TK2: variants seen among roughly 807,000 people sequenced by gnomAD.
The protein encoded by TK2 is thymidine kinase 2, also known as thymidine kinase 2, mitochondrial.
Under a neutral mutation model 41.9 loss-of-function variants are expected in TK2, and 35 were observed. The observed-to-expected ratio is 0.84, with a 90% CI of 0.64 to 1.11. The LOEUF (loss-of-function observed/expected upper bound fraction) is 1.11. Among genes scored for constraint, TK2 ranks in the 50% least tolerant of loss-of-function variants. The pLI is 0.00. For synonymous variants in TK2, 128 were observed against 129.1 expected, an observed-to-expected ratio of 0.99 and a Z score of 0.06; for missense variants, 320 against 351.1, an observed-to-expected ratio of 0.91 and a Z score of 0.71.
At chr16:66,518,316 C>T (rs768128488) in intron 6 of TK2, among the ~76,000 whole-genome samples, 20 of 152,138 alleles carry the variant, frequency 1.3e-4, no homozygotes, top group Admixed American at 2.6e-4. Context: ...CACTTGAGGC[C>T]AGAAGTTCAA....
At chr16:66,548,787 G>T in intron 2 of TK2, 191 bp downstream of exon 2, 1 of 620,884 alleles carries the variant, frequency 1.6e-6, no homozygotes. Flanking sequence ...TGCAGACTCT[G>T]GGGAAAGATA....
rs756239167 is a variant in TK2, at chr16:66,517,197, G to C, written c.557C>G (p.Pro186Arg). ...VDLIVYLRTN[P>R]ETCYQRLKKR... ...CTTTAACCTCTGGTAACAAGTCTCA[G>C]GATTGGTCCGAAGGTAAACTGAGGT... is the stretch of plus-strand genomic sequence containing the variant. Residue 186 changes from proline to arginine, a missense_variant, in exon 8 of 10, where the codon CCT becomes CGT. Transcript: ENST00000544898. The surrounding 1 kb of genome is among the most constrained non-coding windows in gnomAD (Gnocchi z 4.3). The C allele has an allele frequency of 1.2e-6, 2 of 1,614,034 alleles. No individual in the cohort carries two copies. Among genetic ancestry groups the C allele is most frequent in the East Asian group, 4.5e-5 (2 of 44,892 alleles).
chr16:66,516,912 A>G (rs773565509), intron 8 of TK2, among the ~76,000 whole-genome samples: 11 of 152,030 alleles, frequency 7.2e-5, no homozygotes, highest in Non-Finnish European at 8.8e-5. Flanking sequence ...GAGGGTTGCC[A>G]AACTGTGAGT....
At position 66,536,980 on chromosome 16, in the gene TK2, C is replaced by G; in HGVS notation, c.269G>C (p.Arg90Pro). ...TEPVSKWRNVRGHNPLGLMYH... is the reference protein window; with the variant it reads ...TEPVSKWRNVPGHNPLGLMYH... ...CCCACTCACCAGAGGATTGTGGCCA[C>G]GGACATTTCTCCACTTGGACACAGG... The change falls in exon 4 of 10, where the codon CGT becomes CCT. Residue 90 changes from arginine (R) to proline (P), a missense_variant. Coordinates refer to ENST00000544898, the MANE Select transcript of TK2 (RefSeq NM_004614.5). 6.2e-7 allele frequency: 1 copy of G among 1,614,030 alleles called. No individual in the cohort carries two copies.
chr16:66,513,905 C>T (rs544096149), intron 8 of TK2, 94 bp from the exon 9 acceptor site: 86 of 1,085,924 alleles, frequency 7.9e-5, no homozygotes, highest in Non-Finnish European at 1.1e-4. Flanking sequence ...TAGTCAATGA[C>T]CATGGGCAGT....
intron 1 of TK2, 77 bp from the exon 2 acceptor site, chr16:66,549,086 A>T: frequency 6.2e-7 from 1 of 1,601,852 alleles, no homozygotes; most frequent in Non-Finnish European, 8.5e-7. Context: ...ACATGACCAC[A>T]AAAACACTAA....
intron 2 of TK2, among the ~76,000 whole-genome samples, chr16:66,545,611 G>A (rs1244763250): frequency 6.6e-6 from 1 of 152,158 alleles, no homozygotes; most frequent in South Asian, 2.1e-4. Context: ...ATCACCTGAG[G>A]TTAGGAGTTC....
intron 6 of TK2, among the ~76,000 whole-genome samples, chr16:66,523,448 C>G (rs1964838971): frequency 6.6e-6 from 1 of 152,196 alleles, no homozygotes; most frequent in Admixed American, 6.5e-5. Flanking sequence ...GGGCAAAGGA[C>G]CCAGCCAAAG....
chr16:66,515,541 A>T (rs1308723428), intron 8 of TK2, among the ~76,000 whole-genome samples: 1 of 152,244 alleles, frequency 6.6e-6, no homozygotes, highest in Non-Finnish European at 1.5e-5. Context: ...TCGCCATCCC[A>T]GAGGCTCGCG....
intron 6 of TK2, among the ~76,000 whole-genome samples, chr16:66,520,752 C>T (rs1369772367): frequency 1.3e-5 from 2 of 152,164 alleles, no homozygotes; most frequent in Non-Finnish European, 2.9e-5. Context: ...GAGTTGATGA[C>T]ACCTCATTGT....
rs539947146 is a variant in TK2 at position 66,517,849 on chromosome 16, C to T, written c.478G>A (p.Val160Ile). ...SGKMPEVDYVVLSEWFDWILR... is the reference protein window; with the variant it reads ...SGKMPEVDYVILSEWFDWILR... ...ATCCAGTCAAACCATTCCGACAGAA[C>T]TACATAGTCCACTTCTGGCATCTTC... The change falls in exon 7 of 10, where the codon GTT (valine) becomes ATT (isoleucine). Residue 160 changes from valine (V) to isoleucine (I), a missense_variant. Physicochemically the swap from Val to Ile is conservative, Grantham distance 29. Transcript: ENST00000544898. This position sits in a 1 kb window ranked among gnomAD's most constrained non-coding sequence, Gnocchi z 4.3. 6.2e-7 allele frequency: 1 copy of T among 1,614,178 alleles called. No individual in the cohort carries two copies. The highest frequency in any genetic ancestry group is 8.5e-7 in the Non-Finnish European group (1 of 1,180,024).
chr16:66,540,667 A>G (rs1965431909), intron 3 of TK2, among the ~76,000 whole-genome samples: 1 of 152,234 alleles, frequency 6.6e-6, no homozygotes. Context: ...AACATCTCTG[A>G]GGTTAGTTTT....
rs1009949832 is a variant in TK2 at position 66,549,128 on chromosome 16, T to C, written c.125-119A>G. 3.2e-6 allele frequency: 5 copies of C among 1,559,862 alleles called. No individual in the cohort carries two copies. The Admixed American group carries it at 7.8e-5, about 24-fold the overall frequency. On this transcript the variant is annotated intron_variant, in intron 1 of 9. Transcript: ENST00000544898. ...TGCTCACTCCCTGGCCTAAAAACAT[T>C]TTCCATTTTGGGCGCCCTCCGAGAT...
At chr16:66,543,535 C>T (rs1318948635) in intron 2 of TK2, among the ~76,000 whole-genome samples, 1 of 152,196 alleles carries the variant, frequency 6.6e-6, no homozygotes, top group Non-Finnish European at 1.5e-5. Flanking sequence ...GGGGCACACA[C>T]AGAGAGGGGC....
intron 2 of TK2, among the ~76,000 whole-genome samples, chr16:66,545,094 CAAA>C (rs56368554): frequency 6.6e-5 from 5 of 75,658 alleles, no homozygotes; most frequent in Non-Finnish European, 3.2e-5. Flanking sequence ...ACCCTGTCTT[CAAA>C]AAAAAAAAAA....
At chr16:66,512,136 C>G (rs1964470177) in intron 9 of TK2, 70 bp from the exon 10 acceptor site, 2 of 1,378,846 alleles carry the variant, frequency 1.5e-6, no homozygotes, top group Non-Finnish European at 2.1e-6. Flanking sequence ...CAGCTGGAGA[C>G]AGACAGATGG....
At chr16:66,542,729 T>G (rs1010078365) in intron 2 of TK2, among the ~76,000 whole-genome samples, 1 of 152,170 alleles carries the variant, frequency 6.6e-6, no homozygotes, top group African/African-American at 2.4e-5. Context: ...GTAACTCATC[T>G]TAGGGAGAGA....
chr16:66,549,889 A>G (rs1965735081), intron 1 of TK2, 49 bp downstream of exon 1: 2 of 1,311,800 alleles, frequency 1.5e-6, no homozygotes, highest in East Asian at 3.0e-5. Flanking sequence ...GGCCGGGAGT[A>G]GGTGGGCGCA....
intron 3 of TK2, among the ~76,000 whole-genome samples, chr16:66,539,411 C>T (rs1965386374): frequency 6.6e-6 from 1 of 151,954 alleles, no homozygotes; most frequent in Admixed American, 6.6e-5. Context: ...CCAGCCTGGC[C>T]AACATGGTGA....
Sources: gnomAD v4.1 joint callset for allele counts (sites outside exome capture counted in the v4.1 genomes callset) on GRCh38, gnomAD v4.1.1 for gene constraint, Gnocchi (gnomAD v3.1) non-coding constraint, MANE v1.5 for transcripts, NCBI Gene and HGNC (gene_info 2026-07-23, HGNC 2026-07-21) for gene names.